The following CCDC178 variants were observed in gnomAD, a reference collection of about 807,000 sequenced individuals.
CCDC178 encodes coiled-coil domain containing 178.
A neutral mutation model predicts 117.4 loss-of-function variants in CCDC178; 126 were observed. The ratio of observed to expected loss-of-function variants is 1.07; its 90% CI spans 0.93 to 1.24. CCDC178 has a LOEUF of 1.24. Among genes scored for constraint, CCDC178 ranks in the 50% most tolerant of loss-of-function variants. CCDC178 has a pLI of 0.00. For synonymous variants in CCDC178, 283 were observed against 313.4 expected (o/e 0.90, Z 1.02); for missense variants, 1,030 against 986.9 (o/e 1.04, Z -0.59).
At chr18:32,947,684 A>G (rs1282428632) in intron 22 of CCDC178, among the ~76,000 whole-genome samples, 1 of 152,152 alleles carries the variant, frequency 6.6e-6, no homozygotes, top group Non-Finnish European at 1.5e-5. Flanking sequence ...TTTCCTTAAC[A>G]GTGTCTTTAG....
intron 21 of CCDC178, among the ~76,000 whole-genome samples, chr18:33,091,586 C>CTT (rs993374848): frequency 6.6e-6 from 1 of 151,830 alleles, no homozygotes; most frequent in Non-Finnish European, 1.5e-5. Flanking sequence ...ATCTTCCCAC[C>CTT]TTAGCCTCCC....
chr18:33,039,468 C>T (rs1255418297), intron 21 of CCDC178, among the ~76,000 whole-genome samples: 1 of 152,022 alleles, frequency 6.6e-6, no homozygotes, highest in Non-Finnish European at 1.5e-5. Context: ...AGGTCTAGAG[C>T]TCACATTGGA....
At chr18:32,991,158 T>C (rs1234149500) in intron 21 of CCDC178, among the ~76,000 whole-genome samples, 1 of 152,168 alleles carries the variant, frequency 6.6e-6, no homozygotes, top group Non-Finnish European at 1.5e-5. Context: ...AGATTCTTAG[T>C]AGCAAGAACA....
At chr18:33,378,878 G>T (rs1205206082) in intron 5 of CCDC178, among the ~76,000 whole-genome samples, 1 of 151,760 alleles carries the variant, frequency 6.6e-6, no homozygotes, top group Non-Finnish European at 1.5e-5. Flanking sequence ...GTTCATCAAG[G>T]ATATTGGCCT....
chr18:33,338,224 A>G (rs996161370), intron 9 of CCDC178, among the ~76,000 whole-genome samples: 1 of 152,198 alleles, frequency 6.6e-6, no homozygotes. Context: ...TCCTGCAAGT[A>G]TGTCCATAAT....
intron 11 of CCDC178, among the ~76,000 whole-genome samples, chr18:33,294,561 G>A (rs527403842): frequency 2.6e-5 from 4 of 152,222 alleles, no homozygotes; most frequent in African/African-American, 4.8e-5. Flanking sequence ...AAATGAAACC[G>A]AAATCTACAA....
intron 7 of CCDC178, among the ~76,000 whole-genome samples, chr18:33,353,636 C>T (rs529953724): frequency 1.5e-4 from 23 of 151,932 alleles, no homozygotes; most frequent in Non-Finnish European, 2.5e-4. Flanking sequence ...ATCAATGTAG[C>T]TTCAATAGTA....
chr18:33,397,625 T>C (rs2063656730), intron 3 of CCDC178, among the ~76,000 whole-genome samples: 1 of 152,154 alleles, frequency 6.6e-6, no homozygotes, highest in Non-Finnish European at 1.5e-5. Context: ...GCCCAGTTTA[T>C]TGAAAAAATA....
chr18:33,271,982 C>A (rs1452415610), intron 12 of CCDC178, among the ~76,000 whole-genome samples: 1 of 151,390 alleles, frequency 6.6e-6, no homozygotes, highest in Admixed American at 6.6e-5. Flanking sequence ...AGTAACCTAA[C>A]TTTACATCTA....
At chr18:32,939,054 TTTAA>T (rs1219493664) in intron 22 of CCDC178, among the ~76,000 whole-genome samples, 2 of 152,148 alleles carry the variant, frequency 1.3e-5, no homozygotes, top group Non-Finnish European at 2.9e-5. Flanking sequence ...ACTACATTAC[TTTAA>T]TTACCCAAGA....
chr18:33,030,396 T>C (rs1471596458), intron 21 of CCDC178, among the ~76,000 whole-genome samples: 1 of 152,086 alleles, frequency 6.6e-6, no homozygotes, highest in African/African-American at 2.4e-5. Flanking sequence ...TTGAATGTTT[T>C]CTCCTCACCC....
At chr18:33,353,812 T>A (rs2063012679) in intron 7 of CCDC178, among the ~76,000 whole-genome samples, 1 of 152,124 alleles carries the variant, frequency 6.6e-6, no homozygotes, top group African/African-American at 2.4e-5. Context: ...GGGAAACAAA[T>A]AAGAATTACA....
intron 12 of CCDC178, among the ~76,000 whole-genome samples, chr18:33,276,029 T>A (rs1445407470): frequency 3.8e-3 from 4 of 1,040 alleles, no homozygotes; most frequent in Non-Finnish European, 6.3e-3. Flanking sequence ...AGTAAGTGAG[T>A]AAATAAATAA....
chr18:33,155,027 T>C (rs1041439679), intron 20 of CCDC178, among the ~76,000 whole-genome samples: 4 of 152,134 alleles, frequency 2.6e-5, no homozygotes, highest in African/African-American at 9.6e-5. Context: ...CTTAACATAA[T>C]TGAGATTATA....
intron 20 of CCDC178, among the ~76,000 whole-genome samples, chr18:33,176,862 T>A (rs2144453690): frequency 6.6e-6 from 1 of 152,306 alleles, no homozygotes; most frequent in East Asian, 1.9e-4. Flanking sequence ...CTACTACACA[T>A]TCAAGGTCTA....
chr18:33,406,061 A>G (rs2063775833), intron 3 of CCDC178, among the ~76,000 whole-genome samples: 1 of 152,128 alleles, frequency 6.6e-6, no homozygotes, highest in South Asian at 2.1e-4. Flanking sequence ...AAGATCCAAT[A>G]CACATTATCT....
At chr18:33,310,466 T>C (rs1568135171) in intron 11 of CCDC178, among the ~76,000 whole-genome samples, 1 of 152,138 alleles carries the variant, frequency 6.6e-6, no homozygotes, top group Non-Finnish European at 1.5e-5. Context: ...CAAGGGTAGA[T>C]TGCTTGAGCC....
At chr18:33,207,704 C>G (rs2059061630) in intron 20 of CCDC178, among the ~76,000 whole-genome samples, 1 of 151,676 alleles carries the variant, frequency 6.6e-6, no homozygotes, top group Admixed American at 6.6e-5. Context: ...AGTTGATTGT[C>G]AATGCAGAAA....
chr18:33,096,888 G>A (rs769656376), intron 20 of CCDC178, among the ~76,000 whole-genome samples: 1 of 152,042 alleles, frequency 6.6e-6, no homozygotes. Context: ...TAGGAATGCA[G>A]TATTTACTGA....
Sources: gnomAD v4.1 joint callset for allele counts (sites outside exome capture counted in the v4.1 genomes callset) on GRCh38, gnomAD v4.1.1 for gene constraint, MANE v1.5 for transcripts, NCBI Gene and HGNC (gene_info 2026-07-23, HGNC 2026-07-21) for gene names.